The following TCEA3 variants were observed in gnomAD, a reference collection of about 807,000 sequenced individuals.
TCEA3 encodes the protein transcription elongation factor A protein 3.
Under a neutral mutation model 44.0 loss-of-function variants are expected in TCEA3, and 36 were observed. The observed-to-expected ratio is 0.82, with a 90% CI of 0.63 to 1.08. The LOEUF is 1.08. Ranked by LOEUF, TCEA3 falls within the 50% of genes least tolerant of loss-of-function variation. TCEA3 has a pLI of 0.00. For missense variants in TCEA3, 392 were observed against 441.2 expected (o/e 0.89, Z 1.00); for synonymous variants, 162 against 159.7 (o/e 1.01, Z -0.11).
intron 8 of TCEA3, among the ~76,000 whole-genome samples, chr1:23,392,416 A>AAAACACACTCCACACATC (rs1639068498): frequency 2.5e-3 from 8 of 3,188 alleles, no homozygotes; most frequent in African/African-American, 2.7e-3. Flanking sequence ...CATCATGCAC[A>AAAACACACTCCACACATC]ATACACACAC....
intron 10 of TCEA3, chr1:23,384,036 T>C: frequency 8.3e-7 from 1 of 1,209,768 alleles, no homozygotes; most frequent in South Asian, 2.9e-5. Flanking sequence ...ATGTTTTTCC[T>C]CTCCTCTGTG....
chr1:23,420,674 C>T (rs1453259510), intron 1 of TCEA3, among the ~76,000 whole-genome samples: 2 of 152,178 alleles, frequency 1.3e-5, no homozygotes, highest in Non-Finnish European at 2.9e-5. Context: ...TTTAACTTCT[C>T]TCGGGTAAAG....
chr1:23,415,972 AT>A (rs971793474), intron 4 of TCEA3, among the ~76,000 whole-genome samples: 6 of 115,584 alleles, frequency 5.2e-5, no homozygotes, highest in East Asian at 5.2e-4. Flanking sequence ...AATGTGGGTG[AT>A]TTTTTTTTCT....
intron 5 of TCEA3, chr1:23,403,804 G>A (rs774451168): frequency 1.2e-4 from 50 of 414,610 alleles, no homozygotes; most frequent in Non-Finnish European, 2.1e-4. Context: ...AGGCTGTTTG[G>A]AGCATTTCTT....
At chr1:23,398,234 C>G (rs945762618) in intron 5 of TCEA3, among the ~76,000 whole-genome samples, 1 of 152,128 alleles carries the variant, frequency 6.6e-6, no homozygotes, top group Non-Finnish European at 1.5e-5. Flanking sequence ...AACACATCGA[C>G]GAACCAGTAG....
chr1:23,411,334 T>G (rs552619127), intron 4 of TCEA3: 1 of 152,722 alleles, frequency 6.5e-6, no homozygotes, highest in African/African-American at 2.4e-5. Flanking sequence ...TTTTTTGTAT[T>G]TTTAGTAGAG....
intron 8 of TCEA3, among the ~76,000 whole-genome samples, chr1:23,389,273 A>C (rs1638947919): frequency 6.6e-6 from 1 of 152,114 alleles, no homozygotes; most frequent in Non-Finnish European, 1.5e-5. Flanking sequence ...GGATCACCTG[A>C]GGTCAGGAGT....
intron 4 of TCEA3, chr1:23,412,170 C>T (rs564500249): frequency 3.9e-5 from 6 of 152,196 alleles, no homozygotes; most frequent in African/African-American, 7.2e-5. Context: ...GATTCTTCTT[C>T]GGCCATTGTT....
intron 4 of TCEA3, chr1:23,411,158 T>G (rs1431180199): frequency 6.4e-6 from 1 of 157,390 alleles, no homozygotes; most frequent in Non-Finnish European, 1.4e-5. Context: ...TTATGTTTAT[T>G]TTTATTTATT....
chr1:23,404,104 C>A (rs778464918), intron 5 of TCEA3: 2 of 702,188 alleles, frequency 2.8e-6, no homozygotes, highest in African/African-American at 1.7e-5. Flanking sequence ...AGGCCGGGCC[C>A]GCTGCTTCTG....
At chr1:23,404,832 G>A (rs1033347195) in intron 5 of TCEA3, among the ~76,000 whole-genome samples, 1 of 152,044 alleles carries the variant, frequency 6.6e-6, no homozygotes, top group Non-Finnish European at 1.5e-5. Context: ...TGGGTGTGGT[G>A]GTGTGCACCT....
Position 23,417,293 on chromosome 1 carries a change from T to C in TCEA3, c.336A>G (p.Ala112=). The stretch of plus-strand genomic sequence containing the variant: ...GTTTTTTCCTTGGTGGAGAAAGGCC[T>C]GCTTCTGGCTTCCAGTCTGAACACT... ...GLECSDWKPE[A]GLSPPRKKRE... The change falls in exon 4 of 11, where the codon GCA becomes GCG. Residue 112 remains alanine (A), a synonymous_variant. Coordinates refer to ENST00000450454, the MANE Select transcript of TCEA3 (RefSeq NM_003196.3). 6.2e-7 allele frequency: 1 copy of C among 1,614,076 alleles called. No homozygotes were observed. Among genetic ancestry groups the C allele is most frequent in the Non-Finnish European group, 8.5e-7 (1 of 1,179,894 alleles).
chr1:23,417,118 G>A (rs562501493), intron 4 of TCEA3, 131 bp downstream of exon 4: 6 of 1,133,446 alleles, frequency 5.3e-6, no homozygotes, highest in Non-Finnish European at 7.4e-6. Flanking sequence ...CCCCAGAGGG[G>A]GCACTGCAGG....
At chr1:23,417,116 G>A (rs1050290719) in intron 4 of TCEA3, 133 bp downstream of exon 4, 14 of 1,121,574 alleles carry the variant, frequency 1.2e-5, no homozygotes, top group Non-Finnish European at 1.6e-5. Context: ...ACCCCCAGAG[G>A]GGGCACTGCA....
intron 1 of TCEA3, among the ~76,000 whole-genome samples, chr1:23,421,753 C>A (rs1209877922): frequency 6.6e-6 from 1 of 152,098 alleles, no homozygotes; most frequent in Non-Finnish European, 1.5e-5. Context: ...GATTCCTTAC[C>A]TTTGTTTTTA....
At chr1:23,424,457 C>G in intron 1 of TCEA3, 108 bp downstream of exon 1, 1 of 996,900 alleles carries the variant, frequency 1.0e-6, no homozygotes, top group Non-Finnish European at 1.5e-6. Context: ...GTCCCCGAGT[C>G]CCGTACGCGC....
intron 5 of TCEA3, among the ~76,000 whole-genome samples, chr1:23,402,170 T>C (rs1429980740): frequency 1.3e-5 from 2 of 152,178 alleles, no homozygotes; most frequent in Non-Finnish European, 2.9e-5. Flanking sequence ...CGAAACACTG[T>C]CTGTACTAAA....
intron 1 of TCEA3, chr1:23,423,807 G>T (rs1343912211): frequency 4.4e-6 from 2 of 455,892 alleles, no homozygotes; most frequent in Non-Finnish European, 8.8e-6. Flanking sequence ...TTCCAGCTGG[G>T]TCTGCGCTCT....
intron 5 of TCEA3, among the ~76,000 whole-genome samples, chr1:23,399,144 G>GTATATCTATATA (rs1639312032): frequency 3.3e-5 from 2 of 61,166 alleles, no homozygotes; most frequent in Non-Finnish European, 6.3e-5. Flanking sequence ...ATGTATATAT[G>GTATATCTATATA]TATATATATA....
Sources: gnomAD v4.1 joint callset for allele counts (sites outside exome capture counted in the v4.1 genomes callset) on GRCh38, gnomAD v4.1.1 for gene constraint, MANE v1.5 for transcripts, NCBI Gene and HGNC (gene_info 2026-07-23, HGNC 2026-07-21) for gene names.